The following CNTNAP2 variants were observed in gnomAD, a reference collection of about 807,000 sequenced individuals.
The protein encoded by CNTNAP2 is contactin-associated protein-like 2.
In CNTNAP2, 98 loss-of-function variants were observed where a neutral mutation model predicts 155.2. The ratio of observed to expected loss-of-function variants is 0.63; its 90% CI spans 0.54 to 0.75. The LOEUF (loss-of-function observed/expected upper bound fraction) is 0.75. CNTNAP2 is among the 30% of genes least tolerant of loss of function. The pLI, the probability that CNTNAP2 is intolerant of heterozygous loss-of-function variation, is 0.00. For synonymous variants in CNTNAP2, 651 were observed against 631.2 expected (o/e 1.03, Z -0.47); for missense variants, 1,727 against 1,688.1 (o/e 1.02, Z -0.40).
intron 18 of CNTNAP2, among the ~76,000 whole-genome samples, chr7:148,176,211 C>CT (rs1188113801): frequency 0.031 from 2,871 of 92,748 alleles, 206 homozygotes; most frequent in African/African-American, 0.066. Flanking sequence ...CTTTCTTTCT[C>CT]TTTTTTTTTT....
rs115977889 is a variant in CNTNAP2, at chr7:148,283,752, C to T, written c.3475+16626C>T. On this transcript the variant is annotated intron_variant, in intron 21 of 23. Coordinates refer to ENST00000361727, the MANE Select transcript of CNTNAP2 (RefSeq NM_014141.6). ...TATTGCTCCTAAGCACAAGACGCTG[C>T]GATCTGTCCTGTGGAGAAAATACAT... Among the ~76,000 whole-genome samples, 1,464 of 152,232 alleles carry T rather than the reference C, an allele frequency of 9.6e-3. 27 individuals are homozygous for T. The highest frequency in any genetic ancestry group is 0.033 in the African/African-American group (1,377 of 41,506).
At chr7:146,693,253 T>C (rs1477604703) in intron 1 of CNTNAP2, among the ~76,000 whole-genome samples, 1 of 152,180 alleles carries the variant, frequency 6.6e-6, no homozygotes, top group African/African-American at 2.4e-5. Flanking sequence ...AAATTTATGC[T>C]AAGAATTAAG....
rs1585025731 is a variant in CNTNAP2, at chr7:146,652,139, A to G, written c.98-122132A>G. On this transcript the variant is annotated intron_variant, in intron 1 of 23. Coordinates refer to ENST00000361727, the MANE Select transcript of CNTNAP2 (RefSeq NM_014141.6). ...GACAGAAAAGAAAAAAGTTAAATTC[A>G]GTTATTAAAAAATTAACCCCATTTT... Among the ~76,000 whole-genome samples the G allele has an allele frequency of 2.0e-5, 3 of 152,286 alleles. No homozygotes were observed. In the South Asian group the frequency reaches 6.2e-4, roughly 32 times the overall value.
At chr7:147,351,946 T>C (rs1795974157) in intron 9 of CNTNAP2, among the ~76,000 whole-genome samples, 1 of 151,938 alleles carries the variant, frequency 6.6e-6, no homozygotes, top group Non-Finnish European at 1.5e-5. Context: ...TGAATAAATC[T>C]CCTTTAAAGA....
intron 20 of CNTNAP2, among the ~76,000 whole-genome samples, chr7:148,250,454 C>T (rs930611112): frequency 6.6e-6 from 1 of 152,184 alleles, no homozygotes; most frequent in African/African-American, 2.4e-5. Context: ...TTCAAGGCAC[C>T]TTATGGGCAC....
chr7:148,224,856 G>A (rs1374599189), intron 19 of CNTNAP2, among the ~76,000 whole-genome samples: 1 of 152,100 alleles, frequency 6.6e-6, no homozygotes, highest in Non-Finnish European at 1.5e-5. Flanking sequence ...GCAAAGGAGG[G>A]AAAGGCCCCT....
intron 1 of CNTNAP2, among the ~76,000 whole-genome samples, chr7:146,306,227 A>T (rs188973248): frequency 2.0e-5 from 3 of 152,236 alleles, no homozygotes; most frequent in Non-Finnish European, 4.4e-5. Flanking sequence ...TAGACCAATA[A>T]CAGGTTCTGA....
chr7:146,200,741 C>G (rs1042648054), intron 1 of CNTNAP2, among the ~76,000 whole-genome samples: 1 of 151,964 alleles, frequency 6.6e-6, no homozygotes, highest in African/African-American at 2.4e-5. Context: ...ATGCACTCTG[C>G]GATGTTTATA....
intron 1 of CNTNAP2, among the ~76,000 whole-genome samples, chr7:146,288,793 ATTTTTTTTTT>A (rs757136036): frequency 1.2e-4 from 12 of 100,040 alleles, no homozygotes; most frequent in East Asian, 5.4e-4. Context: ...AAAATTAGTA[ATTTTTTTTTT>A]TTTTTTTTTT....
At chr7:147,077,539 G>A (rs1485389889) in intron 4 of CNTNAP2, among the ~76,000 whole-genome samples, 2 of 152,134 alleles carry the variant, frequency 1.3e-5, no homozygotes, top group African/African-American at 4.8e-5. Flanking sequence ...TTTTCTGACT[G>A]TTTCTCCAGT....
chr7:147,016,128 T>C (rs1798719358), intron 3 of CNTNAP2, among the ~76,000 whole-genome samples: 1 of 152,112 alleles, frequency 6.6e-6, no homozygotes, highest in South Asian at 2.1e-4. Flanking sequence ...GCTGTGCGAC[T>C]TTTCAAAAAC....
chr7:146,381,761 A>G (rs1795392564), intron 1 of CNTNAP2, among the ~76,000 whole-genome samples: 1 of 152,168 alleles, frequency 6.6e-6, no homozygotes, highest in South Asian at 2.1e-4. Flanking sequence ...TTGGGAAGAA[A>G]TCTCAGGGAC....
At chr7:146,735,727 A>ATAC (rs1801606977) in intron 1 of CNTNAP2, among the ~76,000 whole-genome samples, 1 of 152,116 alleles carries the variant, frequency 6.6e-6, no homozygotes, top group African/African-American at 2.4e-5. Context: ...ATGTGTAGAG[A>ATAC]ATAGAACTGT....
chr7:148,164,614 T>C (rs1170688994), intron 17 of CNTNAP2, among the ~76,000 whole-genome samples: 9 of 72,920 alleles, frequency 1.2e-4, no homozygotes, highest in African/African-American at 4.5e-4. Context: ...TCTCTCTCTT[T>C]TTTTTTTTTT....
intron 1 of CNTNAP2, among the ~76,000 whole-genome samples, chr7:146,232,107 G>A (rs147356426): frequency 6.6e-6 from 1 of 151,872 alleles, no homozygotes; most frequent in Non-Finnish European, 1.5e-5. Flanking sequence ...CATGGCCCTG[G>A]GTCTGGACTT....
At chr7:146,889,392 T>C (rs1468833447) in intron 3 of CNTNAP2, among the ~76,000 whole-genome samples, 2 of 152,076 alleles carry the variant, frequency 1.3e-5, no homozygotes, top group African/African-American at 4.8e-5. Flanking sequence ...TAAACTCTAC[T>C]GTTTATTAAA....
chr7:147,419,412 G>A (rs1797251629), intron 10 of CNTNAP2, among the ~76,000 whole-genome samples: 1 of 152,090 alleles, frequency 6.6e-6, no homozygotes, highest in Non-Finnish European at 1.5e-5. Context: ...AGGAGTATAG[G>A]AGAAATTATG....
At chr7:148,411,499 C>T (rs1799836314) in intron 23 of CNTNAP2, among the ~76,000 whole-genome samples, 1 of 152,062 alleles carries the variant, frequency 6.6e-6, no homozygotes, top group African/African-American at 2.4e-5. Flanking sequence ...CTCCTGACCT[C>T]AAGTGATCCA....
At chr7:146,458,062 C>T (rs1796583155) in intron 1 of CNTNAP2, among the ~76,000 whole-genome samples, 1 of 152,004 alleles carries the variant, frequency 6.6e-6, no homozygotes, top group East Asian at 1.9e-4. Context: ...AACAGAAAGC[C>T]AAACACCTCA....
Sources: allele counts gnomAD v4.1 joint callset (sites outside exome capture counted in the v4.1 genomes callset), GRCh38; gene constraint gnomAD v4.1.1; transcripts MANE v1.5; gene names NCBI Gene and HGNC (gene_info 2026-07-23, HGNC 2026-07-21).